The following ZDBF2 variants were observed in gnomAD, a reference collection of about 807,000 sequenced individuals.
ZDBF2 encodes the protein DBF4-type zinc finger-containing protein 2.
A neutral mutation model predicts 9.4 loss-of-function variants in ZDBF2; 6 were observed. The ratio of observed to expected loss-of-function variants is 0.64; its 90% CI spans 0.35 to 1.27. The LOEUF is 1.27. ZDBF2 is among the 50% of genes most tolerant of loss of function. ZDBF2 has a pLI of 0.03. For synonymous variants in ZDBF2, 905 were observed against 946.3 expected (o/e 0.96, Z 0.80); for missense variants, 2,697 against 2,766.8 (o/e 0.97, Z 0.57).
intron 3 of ZDBF2, among the ~76,000 whole-genome samples, chr2:206,285,381 A>G (rs564469395): frequency 5.3e-5 from 8 of 152,182 alleles, no homozygotes; most frequent in African/African-American, 1.9e-4. Context: ...TTTGATTTAC[A>G]CTTCCTTGAT....
At chr2:206,278,493 G>A (rs894977749) in intron 1 of ZDBF2, among the ~76,000 whole-genome samples, 6 of 152,140 alleles carry the variant, frequency 3.9e-5, no homozygotes, top group African/African-American at 1.4e-4. Flanking sequence ...AACTTCCACA[G>A]TGCCTAAAGA....
Position 206,308,771 on chromosome 2 carries a change from C to T in ZDBF2, c.4243C>T (p.His1415Tyr). 6.2e-7 allele frequency: 1 copy of T among 1,613,730 alleles called. No individual in the cohort carries two copies. The highest frequency in any genetic ancestry group is 8.5e-7 in the Non-Finnish European group (1 of 1,179,802). The change falls in exon 5 of 5, where the codon CAT becomes TAT. Residue 1415 changes from histidine (H) to tyrosine (Y), a missense_variant. Physicochemically the swap from His to Tyr is moderately conservative, Grantham distance 83 (BLOSUM62 2). Around this residue, in one of 3 missense-constraint regions of ZDBF2, gnomAD observed 1,783 missense variants for 1,776.5 expected, o/e 1.00. Transcript: ENST00000374423. ...TGATTTTGATGTAAGTTATGCTTCT[C>T]ATATTCCTGTTCAGTTTGTGACTGA... is the stretch of plus-strand genomic sequence containing the variant. Reference protein sequence around the residue: ...LGDFDVSYASHIPVQFVTDQS... With the variant: ...LGDFDVSYASYIPVQFVTDQS...
In ZDBF2 at chr2:206,275,932, G is replaced by A. The variant is rs142486235; in HGVS notation, c.-103+986G>A. Among the ~76,000 whole-genome samples the A allele has an allele frequency of 8.5e-5, 13 of 152,332 alleles. No individual in the cohort carries two copies. The East Asian group carries it at 2.5e-3, about 29-fold the overall frequency. ...GAAGGCAAGAAAGCAACTCGTTAGA[G>A]AGTTGATAAAGTATCACTGCAGTGG... On this transcript the variant is annotated intron_variant, in intron 1 of 4. Coordinates refer to ENST00000374423, the MANE Select transcript of ZDBF2 (RefSeq NM_020923.3).
At chr2:206,275,609 G>A (rs1247227010) in intron 1 of ZDBF2, among the ~76,000 whole-genome samples, 1 of 152,096 alleles carries the variant, frequency 6.6e-6, no homozygotes, top group Non-Finnish European at 1.5e-5. Context: ...TGAAAAAAAT[G>A]CATAACAAGA....
chr2:206,276,300 T>C (rs1379339020), intron 1 of ZDBF2, among the ~76,000 whole-genome samples: 1 of 152,164 alleles, frequency 6.6e-6, no homozygotes, highest in African/African-American at 2.4e-5. Flanking sequence ...GAGTATTGTT[T>C]TGTGAAAAAT....
chr2:206,293,890 A>G (rs1444718712), intron 3 of ZDBF2, among the ~76,000 whole-genome samples: 1 of 152,168 alleles, frequency 6.6e-6, no homozygotes, highest in East Asian at 1.9e-4. Flanking sequence ...TTTCACTCCT[A>G]ATAATGCACT....
intron 4 of ZDBF2, among the ~76,000 whole-genome samples, chr2:206,298,127 ATCTG>A (rs1004107917): frequency 4.6e-5 from 7 of 152,212 alleles, no homozygotes; most frequent in Non-Finnish European, 1.0e-4. Flanking sequence ...GGGTTTTTAA[ATCTG>A]TCTGTATTTT....
intron 4 of ZDBF2, among the ~76,000 whole-genome samples, chr2:206,304,027 T>TAC (rs1336960591): frequency 6.6e-6 from 1 of 152,170 alleles, no homozygotes; most frequent in African/African-American, 2.4e-5. Flanking sequence ...ACTATTCTTG[T>TAC]ACGTGTTCAT....
intron 1 of ZDBF2, among the ~76,000 whole-genome samples, chr2:206,276,223 G>A (rs960236647): frequency 2.2e-4 from 34 of 152,168 alleles, no homozygotes; most frequent in African/African-American, 7.7e-4. Flanking sequence ...GAAATTTAGT[G>A]GGTCGTGACT....
Position 206,311,757 on chromosome 2 carries a change from GT to G in ZDBF2, c.*167del. On this transcript the variant is annotated 3_prime_UTR_variant, in exon 5 of 5. Transcript: ENST00000374423. ...ATTTTTATATTCATTTAAAATTAGT[GT>G]TTAGAGTCCTTTCATTTTAAGATTC... 1 of 673,154 alleles carries G rather than the reference GT, an allele frequency of 1.5e-6. No individual in the cohort carries two copies. The highest frequency in any genetic ancestry group is 2.1e-6 in the Non-Finnish European group (1 of 470,962). 41.7% of individuals were successfully genotyped at this position (673,154 alleles called of 1,614,324 possible).
chr2:206,284,546 A>G (rs1004033942), intron 3 of ZDBF2, among the ~76,000 whole-genome samples: 5 of 152,086 alleles, frequency 3.3e-5, no homozygotes, highest in African/African-American at 1.2e-4. Flanking sequence ...ACTAGAACAT[A>G]TTTCTCCTAT....
intron 4 of ZDBF2, among the ~76,000 whole-genome samples, chr2:206,300,443 T>G (rs1202052433): frequency 6.6e-6 from 1 of 152,226 alleles, no homozygotes; most frequent in African/African-American, 2.4e-5. Context: ...TAGCCTTCAA[T>G]TTGTGTCTGC....
At chr2:206,284,484 C>A (rs893656979) in intron 3 of ZDBF2, among the ~76,000 whole-genome samples, 1 of 152,076 alleles carries the variant, frequency 6.6e-6, no homozygotes, top group Non-Finnish European at 1.5e-5. Context: ...AATTTACAAT[C>A]AATTATTATT....
intron 3 of ZDBF2, among the ~76,000 whole-genome samples, chr2:206,292,767 A>G (rs1427538191): frequency 2.0e-5 from 3 of 152,118 alleles, no homozygotes; most frequent in African/African-American, 4.8e-5. Flanking sequence ...AATAGCATCA[A>G]AGAACATCAA....
intron 1 of ZDBF2, among the ~76,000 whole-genome samples, chr2:206,275,589 T>C (rs952257585): frequency 2.0e-5 from 3 of 152,178 alleles, no homozygotes; most frequent in Non-Finnish European, 4.4e-5. Context: ...CGATGATTCT[T>C]GGTAGCTCGT....
intron 3 of ZDBF2, among the ~76,000 whole-genome samples, chr2:206,283,049 G>A (rs563663490): frequency 6.6e-6 from 1 of 152,144 alleles, no homozygotes; most frequent in Non-Finnish European, 1.5e-5. Context: ...TCACGACCTC[G>A]TTCCTTTTTA....
Position 206,310,154 on chromosome 2 carries a change from G to C in ZDBF2, c.5626G>C (p.Val1876Leu). 1 of 1,613,464 alleles carries C rather than the reference G, an allele frequency of 6.2e-7. No homozygotes were observed. Among genetic ancestry groups the C allele is most frequent in the Non-Finnish European group, 8.5e-7 (1 of 1,179,732 alleles). The change falls in exon 5 of 5, where the codon GTT (valine) becomes CTT (leucine). Residue 1876 changes from valine (V) to leucine (L), a missense_variant. By Grantham distance (32) the Val-to-Leu change is conservative. Transcript: ENST00000374423. ...KKVSSKGKKK[V>L]TWADLQGKED... Reference sequence around the variant, plus strand: ...AGTTTCTTCGAAGGGGAAAAAAAAGGTTACCTGGGCTGACTTGCAAGGTAA... The same window carrying C: ...AGTTTCTTCGAAGGGGAAAAAAAAGCTTACCTGGGCTGACTTGCAAGGTAA...
At chr2:206,296,587 G>C (rs1350141486) in intron 3 of ZDBF2, among the ~76,000 whole-genome samples, 1 of 152,120 alleles carries the variant, frequency 6.6e-6, no homozygotes, top group South Asian at 2.1e-4. Flanking sequence ...CATCCACTGG[G>C]GGTCTTGGAA....
In ZDBF2 at chr2:206,309,491, G is replaced by T. The variant is rs1414923372; in HGVS notation, c.4963G>T (p.Asp1655Tyr). 6 of 1,613,878 alleles carry T rather than the reference G, an allele frequency of 3.7e-6. No individual in the cohort carries two copies. In the African/African-American group the frequency reaches 4.0e-5, roughly 11 times the overall value. Residue 1655 changes from aspartate to tyrosine, a missense_variant, in exon 5 of 5, where the codon GAT (aspartate) becomes TAT (tyrosine). Physicochemically the swap from Asp to Tyr is radical, Grantham distance 160. This residue lies in a region of ZDBF2 where 1,783 missense variants were observed against 1,776.5 expected (regional missense o/e 1.00). Transcript: ENST00000374423. ...EKMVKYIDSEDKSCGYNGSKG... is the reference protein window; with the variant it reads ...EKMVKYIDSEYKSCGYNGSKG... ...AATGGTGAAATATATTGATTCAGAAGATAAGAGCTGTGGATATAATGGTTC... is the reference window on the plus strand; with the variant it reads ...AATGGTGAAATATATTGATTCAGAATATAAGAGCTGTGGATATAATGGTTC...
Sources: allele counts gnomAD v4.1 joint callset (sites outside exome capture counted in the v4.1 genomes callset), GRCh38; gene constraint gnomAD v4.1.1; regional missense constraint gnomAD v4.1.1; transcripts MANE v1.5; gene names NCBI Gene and HGNC (gene_info 2026-07-23, HGNC 2026-07-21).